Variants in KIF20B observed in about 807,000 individuals in gnomAD.
KIF20B encodes the protein kinesin family member 20B.
In KIF20B, 188 loss-of-function variants were observed where a neutral mutation model predicts 232.5. The ratio of observed to expected loss-of-function variants is 0.81; its 90% CI spans 0.72 to 0.91. KIF20B has a LOEUF of 0.91. KIF20B is among the 40% of genes least tolerant of loss of function. The pLI is 0.00. For synonymous variants in KIF20B, 712 were observed against 683.0 expected (o/e 1.04, Z -0.66); for missense variants, 2,154 against 2,055.9 (o/e 1.05, Z -0.92).
intron 12 of KIF20B, 85 bp downstream of exon 12, chr10:89,718,957 G>T (rs1267037985): frequency 2.4e-6 from 2 of 829,828 alleles, no homozygotes; most frequent in Admixed American, 3.3e-5. Context: ...AATACTGTAA[G>T]CCTAGGAAAT....
Position 89,745,885 on chromosome 10 carries a change from CT to C in KIF20B, c.4036-11del, listed in dbSNP as rs753825539. The C allele has an allele frequency of 8.2e-5, 127 of 1,544,014 alleles. No homozygotes were observed. The highest frequency in any genetic ancestry group is 1.0e-4 in the Non-Finnish European group (114 of 1,116,512). On this transcript the variant is annotated splice_polypyrimidine_tract_variant and intron_variant, in intron 22 of 32. Transcript: ENST00000371728. ...AGTTAATTTGCAATTAATTTATATT[CT>C]TTCAATTTGTAGGAGCAGTTAAATA...
At chr10:89,705,474 A>G in intron 2 of KIF20B, 33 bp downstream of exon 2, 1 of 1,598,962 alleles carries the variant, frequency 6.3e-7, no homozygotes, top group Non-Finnish European at 8.5e-7. Context: ...GTTGATTATC[A>G]TGCCTCCTTC....
chr10:89,726,644 A>G, intron 16 of KIF20B, 123 bp downstream of exon 16: 1 of 758,424 alleles, frequency 1.3e-6, no homozygotes, highest in Non-Finnish European at 1.9e-6. Context: ...CATCTAGGTA[A>G]CATATTTTAA....
intron 29 of KIF20B, among the ~76,000 whole-genome samples, chr10:89,766,721 A>T (rs1257870392): frequency 3.9e-5 from 6 of 152,158 alleles, no homozygotes; most frequent in Non-Finnish European, 7.4e-5. Flanking sequence ...AATAGTATTA[A>T]CTATACTCCT....
rs1051925305 is a variant in KIF20B at position 89,737,831 on chromosome 10, C to T, written c.2990C>T (p.Ser997Leu). The T allele has an allele frequency of 6.2e-7, 1 of 1,613,386 alleles. No homozygotes were observed. Among genetic ancestry groups the T allele is most frequent in the Non-Finnish European group, 8.5e-7 (1 of 1,179,544 alleles). Residue 997 changes from serine (S) to leucine (L), a missense_variant, in exon 20 of 33, where the codon TCA becomes TTA. Coordinates refer to ENST00000371728, the MANE Select transcript of KIF20B (RefSeq NM_001284259.2). ...ATAGACGAACTACGTACTCTTGATT[C>T]AGTTTCTCAGATTTCAAACATAGAT... ...TKIDELRTLDSVSQISNIDLL... is the reference protein window; with the variant it reads ...TKIDELRTLDLVSQISNIDLL...
At position 89,745,296 on chromosome 10, in the gene KIF20B, A is replaced by G. The variant is rs148808775; in HGVS notation, c.4036-603A>G. Among the ~76,000 whole-genome samples, 724 of 152,318 alleles carry G rather than the reference A, an allele frequency of 4.8e-3. 3 individuals carry two copies. Among genetic ancestry groups the G allele is most frequent in the African/African-American group, 0.017 (696 of 41,578 alleles). On this transcript the variant is annotated intron_variant, in intron 22 of 32. Transcript: ENST00000371728. ...TCCCAGCACTTTGGGAAGCCGAGGC[A>G]GACGGATCACAAGGTCAGGAGATCG...
chr10:89,719,310 T>C, intron 12 of KIF20B, 109 bp from the exon 13 acceptor site: 2 of 763,524 alleles, frequency 2.6e-6, no homozygotes, highest in South Asian at 4.6e-5. Flanking sequence ...TTGAATAGTT[T>C]TTCCTTAACA....
chr10:89,737,700 A>G lies in KIF20B; in HGVS notation c.2859A>G (p.Lys953=), dbSNP rs767384929. 9.9e-6 allele frequency: 16 copies of G among 1,613,174 alleles called. No individual in the cohort carries two copies. In the Admixed American group the frequency reaches 2.7e-4, roughly 27 times the overall value. The change falls in exon 20 of 33, where the codon AAA becomes AAG. Residue 953 remains lysine (K), a synonymous_variant. Coordinates refer to ENST00000371728, the MANE Select transcript of KIF20B (RefSeq NM_001284259.2). ...AIAELHVQKS[K]NQEQEEKIMK... is the part of the protein sequence containing the mutation. Reference sequence around the variant, plus strand: ...CTGAATTACATGTGCAGAAAAGTAAAAATCAAGAACAGGAGGAAAAGATCA... The same window carrying G: ...CTGAATTACATGTGCAGAAAAGTAAGAATCAAGAACAGGAGGAAAAGATCA...
In KIF20B at chr10:89,768,783, C is replaced by G. The variant is rs1428026468; in HGVS notation, c.5137C>G (p.Gln1713Glu). 1.9e-6 allele frequency: 3 copies of G among 1,604,232 alleles called. No individual in the cohort carries two copies. In the South Asian group the frequency reaches 3.4e-5, roughly 18 times the overall value. Residue 1713 changes from glutamine to glutamate, a missense_variant, in exon 31 of 33, where the codon CAG becomes GAG. By Grantham distance (29) the Gln-to-Glu change is conservative. Coordinates refer to ENST00000371728, the MANE Select transcript of KIF20B (RefSeq NM_001284259.2). ...TAAGAAAACATATTCTTTACGGAGT[C>G]AGGCATCCATAATTGGTGTAAACCT... ...SSKKTYSLRS[Q>E]ASIIGVNLAT...
chr10:89,765,104 T>A (rs1842326843), intron 29 of KIF20B, among the ~76,000 whole-genome samples: 2 of 151,922 alleles, frequency 1.3e-5, no homozygotes, highest in Admixed American at 1.3e-4. Context: ...CAGTTTCAGC[T>A]TTCTACATAT....
chr10:89,748,552 G>A (rs1480750997), intron 23 of KIF20B, among the ~76,000 whole-genome samples: 1 of 152,188 alleles, frequency 6.6e-6, no homozygotes, highest in African/African-American at 2.4e-5. Flanking sequence ...CATTGGTGGG[G>A]TTAACTTGGA....
chr10:89,743,923 T>C lies in KIF20B; in HGVS notation c.4031T>C (p.Leu1344Pro). 3 of 1,583,512 alleles carry C rather than the reference T, an allele frequency of 1.9e-6. No individual in the cohort carries two copies. Among genetic ancestry groups the C allele is most frequent in the Non-Finnish European group, 2.6e-6 (3 of 1,169,824 alleles). ...LDMKQRTIQQ[L>P]KEQLNNQKVE... ...ATGAAACAGCGAACCATTCAGCAACTCAAGGTAAACAGTTTTGTTTTTAAA... is the reference window on the plus strand; with the variant it reads ...ATGAAACAGCGAACCATTCAGCAACCCAAGGTAAACAGTTTTGTTTTTAAA... Residue 1344 changes from leucine (L) to proline (P), a missense_variant, in exon 22 of 33, where the codon CTC becomes CCC. Transcript: ENST00000371728.
chr10:89,703,002 A>G (rs577782270), intron 1 of KIF20B, among the ~76,000 whole-genome samples: 1 of 152,354 alleles, frequency 6.6e-6, no homozygotes, highest in Admixed American at 6.5e-5. Flanking sequence ...TAGTTTGTTC[A>G]TTGAAAAATG....
chr10:89,705,353 A>T lies in KIF20B; in HGVS notation c.59A>T (p.Asp20Val), dbSNP rs1335039056. The T allele has an allele frequency of 6.2e-7, 1 of 1,613,956 alleles. No individual in the cohort carries two copies. The highest frequency in any genetic ancestry group is 8.5e-7 in the Non-Finnish European group (1 of 1,179,882). ...CGACCATCTTATGTTTTTAGTGCTG[A>T]CCCAATTGCAAGGCCTTCAGAAATA... Reference protein sequence around the residue: ...VPRPSYVFSADPIARPSEINF... With the variant: ...VPRPSYVFSAVPIARPSEINF... Residue 20 changes from aspartate (D) to valine (V), a missense_variant, in exon 2 of 33, where the codon GAC (aspartate) becomes GTC (valine). By Grantham distance (152) the Asp-to-Val change is radical (BLOSUM62 -3). Coordinates refer to ENST00000371728, the MANE Select transcript of KIF20B (RefSeq NM_001284259.2).
At position 89,752,592 on chromosome 10, in the gene KIF20B, C is replaced by G. The variant is rs781390219; in HGVS notation, c.4248C>G (p.Cys1416Trp). 1.6e-5 allele frequency: 26 copies of G among 1,601,018 alleles called. No homozygotes were observed. Among genetic ancestry groups the G allele is most frequent in the Non-Finnish European group, 2.0e-5 (24 of 1,173,806 alleles). ...AATTGGAAAAATGGAAGGAAAAATG[C>G]AATGATTTGGAAACCAAAAACAATC... ...ATELEKWKEK[C>W]NDLETKNNQR... is the part of the protein sequence containing the mutation. Residue 1416 changes from cysteine to tryptophan, a missense_variant, in exon 25 of 33, where the codon TGC (cysteine) becomes TGG (tryptophan). Transcript: ENST00000371728.
chr10:89,721,334 G>C (rs1385267575), intron 13 of KIF20B, among the ~76,000 whole-genome samples: 2 of 152,154 alleles, frequency 1.3e-5, no homozygotes, highest in African/African-American at 4.8e-5. Context: ...TTGGGCTTCT[G>C]TAATGTATTA....
chr10:89,719,308 T>G, intron 12 of KIF20B, 111 bp from the exon 13 acceptor site: 1 of 755,860 alleles, frequency 1.3e-6, no homozygotes, highest in Non-Finnish European at 2.1e-6. Context: ...GTTTGAATAG[T>G]TTTTCCTTAA....
chr10:89,748,357 A>G (rs756034195), intron 23 of KIF20B, among the ~76,000 whole-genome samples: 12 of 152,176 alleles, frequency 7.9e-5, no homozygotes, highest in Admixed American at 5.2e-4. Context: ...TTAAAATGAT[A>G]CAGACTCCTC....
intron 31 of KIF20B, among the ~76,000 whole-genome samples, chr10:89,772,135 A>AGTACTAT (rs1296079539): frequency 6.6e-6 from 1 of 152,118 alleles, no homozygotes; most frequent in African/African-American, 2.4e-5. Flanking sequence ...ATTAAAAAAA[A>AGTACTAT]GTACTATGTA....
Sources: gnomAD v4.1 joint callset for allele counts (sites outside exome capture counted in the v4.1 genomes callset) on GRCh38, gnomAD v4.1.1 for gene constraint, MANE v1.5 for transcripts, NCBI Gene and HGNC (gene_info 2026-07-23, HGNC 2026-07-21) for gene names.